TRPM3: variants seen among roughly 807,000 people sequenced by gnomAD.
TRPM3 encodes long transient receptor potential channel 3.
TRPM3 carries 77 observed loss-of-function variants against 181.2 expected under a neutral mutation model. The observed-to-expected ratio is 0.42, with a 90% CI of 0.35 to 0.51. The LOEUF is 0.51. TRPM3 is among the 20% of genes least tolerant of loss of function. The probability of loss-of-function intolerance (pLI) is 0.01; values close to 1 mark genes in which losing one functional copy is unlikely to be tolerated. For missense variants in TRPM3, 1,759 were observed against 2,196.7 expected (o/e 0.80, Z 3.98); for synonymous variants, 745 against 796.4 (o/e 0.94, Z 1.09).
intron 6 of TRPM3, among the ~76,000 whole-genome samples, chr9:70,806,657 T>C (rs1415828695): frequency 6.6e-6 from 1 of 151,192 alleles, no homozygotes; most frequent in East Asian, 1.9e-4. Flanking sequence ...GCCACTGCAC[T>C]CCAGCCTGGG....
chr9:70,557,142 A>G (rs1368460566), intron 22 of TRPM3, among the ~76,000 whole-genome samples: 2 of 152,238 alleles, frequency 1.3e-5, no homozygotes, highest in Non-Finnish European at 2.9e-5. Flanking sequence ...TGGTAGAGAC[A>G]TAGAAAGGGT....
At chr9:71,099,730 T>C (rs1198052336) in intron 1 of TRPM3, among the ~76,000 whole-genome samples, 1 of 152,222 alleles carries the variant, frequency 6.6e-6, no homozygotes, top group Non-Finnish European at 1.5e-5. Flanking sequence ...GTTATAATGC[T>C]AAGCTTTCTT....
At chr9:71,017,592 A>G (rs2097794707) in intron 1 of TRPM3, among the ~76,000 whole-genome samples, 1 of 151,918 alleles carries the variant, frequency 6.6e-6, no homozygotes, top group African/African-American at 2.4e-5. Context: ...GATTTAAGGC[A>G]AGAAACATTG....
At chr9:71,331,585 C>T (rs577938931) in intron 1 of TRPM3, among the ~76,000 whole-genome samples, 3 of 149,632 alleles carry the variant, frequency 2.0e-5, no homozygotes, top group Admixed American at 2.0e-4. Context: ...TTTTACATTT[C>T]TTATCATTTA....
At chr9:70,877,804 A>AACACACACACACACACACACAC (rs5898169) in intron 1 of TRPM3, among the ~76,000 whole-genome samples, 2,371 of 146,164 alleles carry the variant, frequency 0.016, 29 homozygotes, top group Non-Finnish European at 0.018. Flanking sequence ...AAAATCATAA[A>AACACACACACACACACACACAC]ACACACACAC....
At chr9:71,355,032 G>A (rs1036149419) in intron 1 of TRPM3, among the ~76,000 whole-genome samples, 1 of 152,082 alleles carries the variant, frequency 6.6e-6, no homozygotes, top group Non-Finnish European at 1.5e-5. Flanking sequence ...TAAACTCCTG[G>A]CAACTTATGA....
chr9:71,409,510 A>G lies in TRPM3; in HGVS notation c.183+37143T>C, dbSNP rs1365970843. On this transcript the variant is annotated intron_variant, in intron 1 of 24. Transcript: ENST00000357533. ...AACCAACAAAGATCAAAGGAGGCAA[A>G]GAAGGCCATTACATAATGGTAAAAA... 2.0e-5 allele frequency among the ~76,000 whole-genome samples: 3 copies of G among 152,350 alleles called. No homozygotes were observed. In the East Asian group the frequency reaches 5.8e-4, roughly 29 times the overall value.
intron 1 of TRPM3, among the ~76,000 whole-genome samples, chr9:70,979,222 C>T (rs2097338004): frequency 6.6e-6 from 1 of 152,180 alleles, no homozygotes. Flanking sequence ...ATTTGCCATT[C>T]CATTGCCCGT....
chr9:70,832,979 A>G (rs1213714937), intron 5 of TRPM3, among the ~76,000 whole-genome samples: 1 of 152,242 alleles, frequency 6.6e-6, no homozygotes, highest in Non-Finnish European at 1.5e-5. Context: ...TCTTGGTAAT[A>G]TCTCACAATA....
intron 6 of TRPM3, among the ~76,000 whole-genome samples, chr9:70,786,717 T>C (rs2083726457): frequency 6.6e-6 from 1 of 152,224 alleles, no homozygotes. Flanking sequence ...TGCCATGCTA[T>C]TTATTTTTTC....
intron 1 of TRPM3, among the ~76,000 whole-genome samples, chr9:71,212,094 G>A (rs2079542076): frequency 6.6e-6 from 1 of 152,130 alleles, no homozygotes; most frequent in African/African-American, 2.4e-5. Flanking sequence ...GAACAGAGCT[G>A]ATTTCATGGT....
chr9:70,536,764 G>GT lies in TRPM3; in HGVS notation c.4348dup (p.Thr1450AsnfsTer6). 4 of 1,614,202 alleles carry GT rather than the reference G, an allele frequency of 2.5e-6. No homozygotes were observed. The highest frequency in any genetic ancestry group is 3.4e-6 in the Non-Finnish European group (4 of 1,180,036). On this transcript the variant is annotated frameshift_variant, in exon 26 of 26. Transcript: ENST00000677713. LOFTEE classifies it high-confidence loss of function. ...TGCATAGGCACTACTTGAAGGGGCT[G>GT]TGGAAGGTACTGGAGTTGAAAAGCT...
chr9:70,549,669 A>C lies in TRPM3; in HGVS notation c.3580T>G (p.Phe1194Val). Residue 1194 changes from phenylalanine (F) to valine (V), a missense_variant, in exon 25 of 26, where the codon TTC becomes GTC. Coordinates refer to ENST00000677713, the MANE Select transcript of TRPM3 (RefSeq NM_001366145.2). ...PDERDYGLKL[F>V]ITDDELKKVH... The stretch of plus-strand genomic sequence containing the variant: ...TTCTTGAGCTCATCATCGGTTATGA[A>C]GAGTTCTGTGGAAAAAAAAAAAAAG... The C allele has an allele frequency of 6.3e-7, 1 of 1,598,880 alleles. No homozygotes were observed. The highest frequency in any genetic ancestry group is 8.5e-7 in the Non-Finnish European group (1 of 1,176,898).
At chr9:71,347,735 C>G (rs569876271) in intron 1 of TRPM3, among the ~76,000 whole-genome samples, 1 of 151,456 alleles carries the variant, frequency 6.6e-6, no homozygotes, top group South Asian at 2.1e-4. Flanking sequence ...CATAGTGAGG[C>G]CTCGTGTTTA....
intron 22 of TRPM3, among the ~76,000 whole-genome samples, chr9:70,573,204 A>C (rs992983993): frequency 1.3e-5 from 2 of 152,206 alleles, no homozygotes; most frequent in Non-Finnish European, 2.9e-5. Flanking sequence ...ACAGACACAA[A>C]TGCAGACAGA....
chr9:71,268,953 T>C (rs1458164970), intron 1 of TRPM3, among the ~76,000 whole-genome samples: 2 of 152,192 alleles, frequency 1.3e-5, no homozygotes, highest in African/African-American at 4.8e-5. Context: ...TTAGAGGCCA[T>C]CTCAGCCAGA....
chr9:70,650,701 T>C (rs2059493795), intron 9 of TRPM3, among the ~76,000 whole-genome samples: 1 of 152,198 alleles, frequency 6.6e-6, no homozygotes, highest in Non-Finnish European at 1.5e-5. Flanking sequence ...TTCCACTTCA[T>C]TTCATTTTTG....
chr9:70,773,067 A>G (rs890951068), intron 7 of TRPM3, among the ~76,000 whole-genome samples: 1 of 152,168 alleles, frequency 6.6e-6, no homozygotes, highest in African/African-American at 2.4e-5. Flanking sequence ...GGTCTTACAC[A>G]TTGGTGCAAC....
chr9:71,273,036 G>A (rs528889893), intron 1 of TRPM3, among the ~76,000 whole-genome samples: 2 of 152,084 alleles, frequency 1.3e-5, no homozygotes, highest in East Asian at 3.9e-4. Context: ...AACTGCACCT[G>A]GCTGATTTTT....
Sources: gnomAD v4.1 joint callset for allele counts (sites outside exome capture counted in the v4.1 genomes callset) on GRCh38, gnomAD v4.1.1 for gene constraint, MANE v1.5 for transcripts, NCBI Gene and HGNC (gene_info 2026-07-23, HGNC 2026-07-21) for gene names.